The following PDE1A variants were observed in gnomAD, a reference collection of about 807,000 sequenced individuals.
The protein encoded by PDE1A is phosphodiesterase 1A.
In PDE1A, 35 loss-of-function variants were observed where a neutral mutation model predicts 61.7. The ratio of observed to expected loss-of-function variants is 0.57; its 90% CI spans 0.43 to 0.75. The LOEUF (loss-of-function observed/expected upper bound fraction) is 0.75, where lower values mean the gene tolerates loss of function less well. Ranked by LOEUF, PDE1A falls within the 30% of genes least tolerant of loss-of-function variation. The pLI is 0.00. For synonymous variants in PDE1A, 232 were observed against 213.2 expected (o/e 1.09, Z -0.77); for missense variants, 597 against 630.6 (o/e 0.95, Z 0.57).
rs1292064329 is a variant in PDE1A, at chr2:182,201,805, A to G, written c.903-16T>C. 6.7e-7 allele frequency: 1 copy of G among 1,497,014 alleles called. No individual in the cohort carries two copies. Among genetic ancestry groups the G allele is most frequent in the South Asian group, 1.2e-5 (1 of 83,762 alleles). 92.7% of individuals were successfully genotyped at this position (1,497,014 alleles called of 1,614,324 possible). A position where few individuals can be genotyped will look rare whatever the true frequency, so the allele number is the denominator to read the frequency against. ...CCGAAGATCCCTGCAGAGTCACCAA[A>G]AGGAGAAAGGTTCATTCAGCCATTT... On this transcript the variant is annotated splice_polypyrimidine_tract_variant and intron_variant, in intron 8 of 13. Transcript: ENST00000351439.
intron 1 of PDE1A, among the ~76,000 whole-genome samples, chr2:182,337,269 G>A (rs1697894904): frequency 6.6e-6 from 1 of 152,020 alleles, no homozygotes; most frequent in Non-Finnish European, 1.5e-5. Flanking sequence ...ACAAAATAAA[G>A]CAGAACATTA....
At chr2:182,585,524 A>T in the PDE1A span, among the ~76,000 whole-genome samples, 47 of 152,252 alleles carry the variant, frequency 3.1e-4, no homozygotes, top group Non-Finnish European at 5.7e-4. Context: ...CAGAACTCTT[A>T]AAAAAATTGA....
At chr2:182,699,288 A>G in the PDE1A span, among the ~76,000 whole-genome samples, 4 of 152,226 alleles carry the variant, frequency 2.6e-5, no homozygotes, top group Admixed American at 6.5e-5. Flanking sequence ...TGCTTTTCCC[A>G]GTAAAGAAAT....
At chr2:182,525,281 T>C (rs577476854), upstream of PDE1A, among the ~76,000 whole-genome samples, 3 of 152,346 alleles carry the variant, frequency 2.0e-5, no homozygotes, top group South Asian at 6.2e-4. Context: ...CAATAGATTT[T>C]AGTGACAATT....
chr2:182,249,776 TAAC>T (rs1473557292), intron 2 of PDE1A, among the ~76,000 whole-genome samples: 1 of 142,516 alleles, frequency 7.0e-6, no homozygotes, highest in East Asian at 2.1e-4. Flanking sequence ...ACTCTAAAGG[TAAC>T]ACCAATCCTT....
At chr2:182,254,855 T>G (rs1239049991) in intron 2 of PDE1A, among the ~76,000 whole-genome samples, 1 of 152,144 alleles carries the variant, frequency 6.6e-6, no homozygotes. Flanking sequence ...CCATTCTCAG[T>G]TCTTAAGCGT....
the PDE1A span, among the ~76,000 whole-genome samples, chr2:182,700,750 A>AAAAAAAAAC: frequency 6.9e-6 from 1 of 144,678 alleles, no homozygotes; most frequent in African/African-American, 2.6e-5. Context: ...ACAGAAAGAA[A>AAAAAAAAAC]AGAAAAAGAA....
At chr2:182,271,709 A>T (rs1174081757) in intron 1 of PDE1A, among the ~76,000 whole-genome samples, 1 of 152,170 alleles carries the variant, frequency 6.6e-6, no homozygotes, top group African/African-American at 2.4e-5. Context: ...TAACTGAGTC[A>T]TATTACATCA....
chr2:182,657,934 G>C, the PDE1A span, among the ~76,000 whole-genome samples: 1 of 149,214 alleles, frequency 6.7e-6, no homozygotes, highest in Non-Finnish European at 1.5e-5. Flanking sequence ...TCAGCCTGAG[G>C]TTTTGTAGCT....
At chr2:182,631,865 A>C in the PDE1A span, among the ~76,000 whole-genome samples, 2 of 152,240 alleles carry the variant, frequency 1.3e-5, no homozygotes, top group Non-Finnish European at 2.9e-5. Context: ...ACGTAAGTGG[A>C]ACTCAGAGTC....
intron 1 of PDE1A, among the ~76,000 whole-genome samples, chr2:182,309,872 C>T (rs1300876445): frequency 1.3e-5 from 2 of 152,072 alleles, no homozygotes; most frequent in African/African-American, 4.8e-5. Flanking sequence ...TGCCTTGGAA[C>T]TCAATAAAAT....
chr2:182,294,209 A>G lies in PDE1A; in HGVS notation c.54-29795T>C, dbSNP rs534636352. ...GACCACACTTAACTGAAACCTCAGAAAGTGAAACCTTGGATGAGGGGGGAG... is the reference window on the plus strand; with the variant it reads ...GACCACACTTAACTGAAACCTCAGAGAGTGAAACCTTGGATGAGGGGGGAG... On this transcript the variant is annotated intron_variant, in intron 1 of 13. Transcript: ENST00000351439. Among the ~76,000 whole-genome samples, 271 of 152,340 alleles carry G rather than the reference A, an allele frequency of 1.8e-3. 1 individual carries two copies. The highest frequency in any genetic ancestry group is 6.4e-3 in the African/African-American group (265 of 41,580).
intron 2 of PDE1A, among the ~76,000 whole-genome samples, chr2:182,251,372 A>T (rs1691387655): frequency 6.7e-6 from 1 of 148,538 alleles, no homozygotes; most frequent in Non-Finnish European, 1.5e-5. Context: ...TAAATTTCTA[A>T]CCACCAAATT....
At chr2:182,310,549 G>A (rs1002690133) in intron 1 of PDE1A, among the ~76,000 whole-genome samples, 17 of 152,102 alleles carry the variant, frequency 1.1e-4, no homozygotes, top group African/African-American at 4.1e-4. Flanking sequence ...TCCATCCTCA[G>A]TATATCTTTG....
At chr2:182,426,072 C>T (rs1703602533) in intron 1 of PDE1A, among the ~76,000 whole-genome samples, 1 of 152,146 alleles carries the variant, frequency 6.6e-6, no homozygotes, top group Admixed American at 6.5e-5. Context: ...TTTTTCCTAT[C>T]ACCCTGTTGT....
intron 1 of PDE1A, among the ~76,000 whole-genome samples, chr2:182,351,083 G>T (rs886904978): frequency 1.3e-5 from 2 of 152,182 alleles, no homozygotes; most frequent in Non-Finnish European, 2.9e-5. Context: ...GCAACAGAAC[G>T]TGTTCTTGGG....
chr2:182,652,907 A>G, the PDE1A span, among the ~76,000 whole-genome samples: 1 of 152,028 alleles, frequency 6.6e-6, no homozygotes, highest in Non-Finnish European at 1.5e-5. Context: ...CTGAGTTCTT[A>G]GTTGTTTTGT....
chr2:182,177,723 G>C (rs1684388051), intron 13 of PDE1A, among the ~76,000 whole-genome samples: 1 of 150,532 alleles, frequency 6.6e-6, no homozygotes. Context: ...CTTTCATTTG[G>C]ATTTCCCCAT....
chr2:182,686,308 A>C, the PDE1A span, among the ~76,000 whole-genome samples: 1 of 152,216 alleles, frequency 6.6e-6, no homozygotes, highest in Non-Finnish European at 1.5e-5. Context: ...TCAACCTTGA[A>C]ATGCAAAAAA....
Sources: gnomAD v4.1 joint callset for allele counts (sites outside exome capture counted in the v4.1 genomes callset) on GRCh38, gnomAD v4.1.1 for gene constraint, MANE v1.5 for transcripts, NCBI Gene and HGNC (gene_info 2026-07-23, HGNC 2026-07-21) for gene names.